The following NKAIN2 variants were observed in gnomAD, a reference collection of about 807,000 sequenced individuals.
NKAIN2 encodes sodium/potassium transporting ATPase interacting 2, also known as sodium/potassium-transporting ATPase subunit beta-1-interacting protein 2.
In NKAIN2, 14 loss-of-function variants were observed where a neutral mutation model predicts 32.6. The ratio of observed to expected loss-of-function variants is 0.43; its 90% CI spans 0.28 to 0.67. NKAIN2 has a LOEUF of 0.67. NKAIN2 is among the 30% of genes least tolerant of loss of function. NKAIN2 has a pLI of 0.17. For synonymous variants in NKAIN2, 80 were observed against 87.2 expected (o/e 0.92, Z 0.46); for missense variants, 198 against 258.3 (o/e 0.77, Z 1.60).
At chr6:124,812,987 T>C (rs1297539407) in intron 5 of NKAIN2, among the ~76,000 whole-genome samples, 1 of 151,308 alleles carries the variant, frequency 6.6e-6, no homozygotes, top group Non-Finnish European at 1.5e-5. Context: ...ACACAGACAA[T>C]ATGCCAAGTC....
At chr6:124,232,752 G>GAAAAAAAA in intron 1 of NKAIN2, among the ~76,000 whole-genome samples, 1 of 150,844 alleles carries the variant, frequency 6.6e-6, no homozygotes, top group Non-Finnish European at 1.5e-5. Flanking sequence ...TATTTTTGAG[G>GAAAAAAAA]AAAAAAAAAA....
chr6:124,062,878 T>C (rs1782981513), intron 1 of NKAIN2, among the ~76,000 whole-genome samples: 1 of 152,164 alleles, frequency 6.6e-6, no homozygotes, highest in Non-Finnish European at 1.5e-5. Flanking sequence ...CACATTTAAT[T>C]CTCAGAACAA....
intron 1 of NKAIN2, among the ~76,000 whole-genome samples, chr6:124,176,763 A>G (rs1169896514): frequency 6.6e-6 from 1 of 152,114 alleles, no homozygotes; most frequent in African/African-American, 2.4e-5. Context: ...TGCATTACTA[A>G]TTTAACTGGA....
At chr6:124,708,451 A>T (rs1775227500) in intron 4 of NKAIN2, among the ~76,000 whole-genome samples, 1 of 152,004 alleles carries the variant, frequency 6.6e-6, no homozygotes, top group Non-Finnish European at 1.5e-5. Context: ...CATTTTCAGG[A>T]TATTGATTCT....
rs780274942 is a variant in NKAIN2, at chr6:124,793,197, T to A, written c.535+1798T>A. On this transcript the variant is annotated intron_variant, in intron 5 of 6. Transcript: ENST00000368417. ...AAGAGGAGACTGTTAGATTACTGGG[T>A]ATCTGATGCAAGTGAATGGGTAGAT... is the stretch of plus-strand genomic sequence containing the variant. 4.8e-4 allele frequency among the ~76,000 whole-genome samples: 73 copies of A among 152,186 alleles called. 1 individual carries two copies. The highest frequency in any genetic ancestry group is 8.2e-4 in the Non-Finnish European group (56 of 67,996).
intron 3 of NKAIN2, among the ~76,000 whole-genome samples, chr6:124,544,397 A>G (rs1780019332): frequency 7.4e-6 from 1 of 135,620 alleles, no homozygotes; most frequent in Non-Finnish European, 1.7e-5. Context: ...ACTGGCCTTC[A>G]GCTCTCCACC....
intron 5 of NKAIN2, among the ~76,000 whole-genome samples, chr6:124,810,768 A>G (rs1217703983): frequency 2.0e-5 from 3 of 152,228 alleles, no homozygotes; most frequent in Non-Finnish European, 4.4e-5. Context: ...GAAGCGAAGC[A>G]TCTGCGGTGA....
chr6:123,831,156 C>G (rs1174953178), intron 1 of NKAIN2, among the ~76,000 whole-genome samples: 4 of 152,098 alleles, frequency 2.6e-5, no homozygotes, highest in Non-Finnish European at 5.9e-5. Context: ...GGTTTCCTAG[C>G]AACATATTTT....
chr6:124,430,870 G>A (rs9491176), intron 3 of NKAIN2, among the ~76,000 whole-genome samples: 2,458 of 152,022 alleles, frequency 0.016, 64 homozygotes, highest in African/African-American at 0.056. Flanking sequence ...GTGCACACAC[G>A]CGCGCGCACA....
intron 1 of NKAIN2, among the ~76,000 whole-genome samples, chr6:123,846,599 T>G (rs958936957): frequency 6.6e-6 from 1 of 152,140 alleles, no homozygotes. Context: ...GAAGAAAAAA[T>G]GATTTTTATA....
intron 1 of NKAIN2, among the ~76,000 whole-genome samples, chr6:124,111,410 C>T (rs1485114164): frequency 6.6e-6 from 1 of 151,968 alleles, no homozygotes; most frequent in African/African-American, 2.4e-5. Flanking sequence ...ATATGTTTAT[C>T]ATGGCCCTAT....
intron 4 of NKAIN2, among the ~76,000 whole-genome samples, chr6:124,700,701 G>T (rs982550448): frequency 2.6e-5 from 4 of 151,924 alleles, no homozygotes; most frequent in Non-Finnish European, 5.9e-5. Flanking sequence ...AGAGCAAGAG[G>T]AACATAAAAT....
At chr6:124,449,217 A>G (rs1478232546) in intron 3 of NKAIN2, among the ~76,000 whole-genome samples, 1 of 152,122 alleles carries the variant, frequency 6.6e-6, no homozygotes, top group Non-Finnish European at 1.5e-5. Context: ...TTATCTACCT[A>G]AGGTGTGTTT....
At chr6:124,439,629 G>GT (rs149607757) in intron 3 of NKAIN2, among the ~76,000 whole-genome samples, 7,088 of 144,158 alleles carry the variant, frequency 0.049, 485 homozygotes, top group African/African-American at 0.15. Flanking sequence ...ATTTGTTTCC[G>GT]TTTTTTTTTT....
chr6:124,281,918 T>C (rs1038621988), intron 1 of NKAIN2, among the ~76,000 whole-genome samples: 1 of 152,226 alleles, frequency 6.6e-6, no homozygotes, highest in Non-Finnish European at 1.5e-5. Context: ...ATCATCATTT[T>C]CCTTGAAAAC....
intron 4 of NKAIN2, among the ~76,000 whole-genome samples, chr6:124,662,971 G>A (rs1784800528): frequency 6.6e-6 from 1 of 152,166 alleles, no homozygotes; most frequent in Admixed American, 6.5e-5. Flanking sequence ...AGTGATATGA[G>A]CTGATACTAG....
intron 4 of NKAIN2, among the ~76,000 whole-genome samples, chr6:124,714,941 T>C (rs1425822990): frequency 6.6e-6 from 1 of 152,112 alleles, no homozygotes; most frequent in African/African-American, 2.4e-5. Context: ...CAGTAGGCAT[T>C]TATTCATGTC....
Position 124,159,255 on chromosome 6 carries a change from T to G in NKAIN2, c.55-123750T>G, listed in dbSNP as rs570970594. On this transcript the variant is annotated intron_variant, in intron 1 of 6. Transcript: ENST00000368417. ...TTTTAGTTTTGTCCTAATGCCAGTA[T>G]ATGCAAACACTGATGGATTAACATC... Among the ~76,000 whole-genome samples the G allele has an allele frequency of 2.6e-5, 4 of 152,350 alleles. No individual in the cohort carries two copies. The South Asian group carries it at 8.3e-4, about 32-fold the overall frequency.
intron 1 of NKAIN2, among the ~76,000 whole-genome samples, chr6:124,029,169 T>G (rs9491049): frequency 0.053 from 8,120 of 151,824 alleles, 717 homozygotes; most frequent in African/African-American, 0.18. Context: ...TAATTGCTTA[T>G]TATTTCTACT....
Sources: allele counts gnomAD v4.1 joint callset (sites outside exome capture counted in the v4.1 genomes callset), GRCh38; gene constraint gnomAD v4.1.1; transcripts MANE v1.5; gene names NCBI Gene and HGNC (gene_info 2026-07-23, HGNC 2026-07-21).